SLC25A14: variants seen among roughly 807,000 people sequenced by gnomAD.
SLC25A14 encodes solute carrier family 25 member 14.
In SLC25A14, 8 loss-of-function variants were observed where a neutral mutation model predicts 28.1. That is an observed-to-expected ratio of 0.28 (90% CI 0.17 to 0.51). The LOEUF is 0.51. SLC25A14 is among the 20% of genes least tolerant of loss of function. The pLI, the probability that SLC25A14 is intolerant of heterozygous loss-of-function variation, is 0.97. For missense variants in SLC25A14, 135 were observed against 263.8 expected (o/e 0.51, Z 3.38); for synonymous variants, 74 against 90.6 (o/e 0.82, Z 1.04).
chrX:130,341,201 A>G (rs1603254143), intron 2 of SLC25A14, among the ~76,000 whole-genome samples: 1 of 112,054 alleles, frequency 8.9e-6, no homozygotes, highest in South Asian at 3.7e-4. Flanking sequence ...AGTCTTTTCT[A>G]TGCTCCTCTT....
rs2033870953 is a variant in SLC25A14 at position 130,358,772 on chromosome X, AGTTCCT to A, written c.594+38_594+43del. 19 of 950,298 alleles carry A rather than the reference AGTTCCT, an allele frequency of 2.0e-5. 1 individual carries two copies. The highest frequency in any genetic ancestry group is 1.8e-4 in the African/African-American group (9 of 51,378). The allele number at this position is 950,298 out of a possible 1,213,427, so 78.3% of individuals were successfully genotyped here. Reference sequence around the variant, plus strand: ...TTTCCTGCTATTATCCTACACTCTCAGTTCCTACAATTTGCAGAGAATTTTTTTTTA... The same window carrying A: ...TTTCCTGCTATTATCCTACACTCTCAACAATTTGCAGAGAATTTTTTTTTA... On this transcript the variant is annotated intron_variant, in intron 7 of 10. Transcript: ENST00000545805.
At chrX:130,364,909 A>G in intron 8 of SLC25A14, 157 bp downstream of exon 8, 2 of 1,027,083 alleles carry the variant, frequency 1.9e-6, no homozygotes, top group Non-Finnish European at 1.3e-6. Flanking sequence ...TGAACACTTT[A>G]TACTTCACAG....
At chrX:130,346,942 G>A (rs2033459818) in intron 4 of SLC25A14, among the ~76,000 whole-genome samples, 2 of 111,439 alleles carry the variant, frequency 1.8e-5, no homozygotes, top group East Asian at 2.8e-4. Flanking sequence ...TGGATTTCCC[G>A]AGAGTCACTA....
chrX:130,372,088 C>G (rs1239209372), intron 10 of SLC25A14, among the ~76,000 whole-genome samples: 1 of 112,148 alleles, frequency 8.9e-6, no homozygotes, highest in East Asian at 2.8e-4. Context: ...TCTGTCTCCT[C>G]CAGTTGTGTT....
chrX:130,372,949 A>G lies in SLC25A14; in HGVS notation c.977A>G (p.Ter326=). 8.5e-7 allele frequency: 1 copy of G among 1,178,807 alleles called. No homozygotes were observed. The highest frequency in any genetic ancestry group is 1.8e-5 in the African/African-American group (1 of 57,048). Reference sequence around the variant, plus strand: ...GAGCAGCTAAAGAGGCTTCAAATCTAAGAACTGAATTATATGTGAGCCCAG... The same window carrying G: ...GAGCAGCTAAAGAGGCTTCAAATCTGAGAACTGAATTATATGTGAGCCCAG... ...TYEQLKRLQI[*] is the part of the protein sequence containing the mutation. The change falls in exon 11 of 11, where the codon TAA becomes TGA. Residue 326 remains the stop codon, a stop_retained_variant. Transcript: ENST00000545805.
chrX:130,349,401 CT>C, intron 5 of SLC25A14, 56 bp downstream of exon 5: 1 of 773,750 alleles, frequency 1.3e-6, no homozygotes, highest in African/African-American at 2.1e-5. Context: ...TGAAATCATG[CT>C]TAGTGAGAAA....
intron 2 of SLC25A14, among the ~76,000 whole-genome samples, chrX:130,340,732 C>T (rs1466728015): frequency 1.8e-5 from 2 of 110,984 alleles, no homozygotes; most frequent in Non-Finnish European, 3.8e-5. Context: ...TACTTTGCAC[C>T]ATCCTAAGCT....
chrX:130,345,729 G>C (rs2033414769), intron 3 of SLC25A14, among the ~76,000 whole-genome samples: 1 of 111,576 alleles, frequency 9.0e-6, no homozygotes, highest in African/African-American at 3.2e-5. Context: ...AATATTTTTA[G>C]ATTGTCGTTT....
At chrX:130,367,950 T>G (rs1313985331) in intron 9 of SLC25A14, among the ~76,000 whole-genome samples, 1 of 112,470 alleles carries the variant, frequency 8.9e-6, no homozygotes, top group African/African-American at 3.2e-5. Flanking sequence ...GCCTGGCTTA[T>G]TTTTGTTTTT....
Position 130,372,900 on chromosome X carries a change from A to G in SLC25A14, c.937-9A>G. 1 of 1,165,256 alleles carries G rather than the reference A, an allele frequency of 8.6e-7. No individual in the cohort carries two copies. Among genetic ancestry groups the G allele is most frequent in the African/African-American group, 1.8e-5 (1 of 56,403 alleles). On this transcript the variant is annotated splice_polypyrimidine_tract_variant and intron_variant, in intron 10 of 10. Transcript: ENST00000545805. ...TCAACCTGGTGATCTTCCTTGACTTACTCCTCAGTTTTTTATTACATACGA... is the reference window on the plus strand; with the variant it reads ...TCAACCTGGTGATCTTCCTTGACTTGCTCCTCAGTTTTTTATTACATACGA...
intron 2 of SLC25A14, among the ~76,000 whole-genome samples, chrX:130,344,974 G>A (rs2033382966): frequency 9.0e-6 from 1 of 111,399 alleles, no homozygotes; most frequent in Admixed American, 9.5e-5. Flanking sequence ...TGAATCACAC[G>A]CCTACCCCTA....
chrX:130,346,005 C>A (rs887866324), intron 3 of SLC25A14, among the ~76,000 whole-genome samples: 3 of 111,516 alleles, frequency 2.7e-5, no homozygotes, highest in African/African-American at 6.5e-5. Flanking sequence ...ATGAGTAGAA[C>A]CAAATAAGAC....
intron 7 of SLC25A14, among the ~76,000 whole-genome samples, chrX:130,359,661 T>C (rs1322580173): frequency 9.0e-6 from 1 of 110,891 alleles, no homozygotes; most frequent in Non-Finnish European, 1.9e-5. Flanking sequence ...AATCTATTAA[T>C]AGACTTTTAA....
intron 3 of SLC25A14, among the ~76,000 whole-genome samples, chrX:130,346,031 CATA>C (rs748938259): frequency 1.2e-4 from 13 of 111,309 alleles, no homozygotes; most frequent in Non-Finnish European, 2.3e-4. Flanking sequence ...CATTATCTTT[CATA>C]ATATTAGGGG....
chrX:130,354,193 A>G (rs1367934283), intron 6 of SLC25A14, among the ~76,000 whole-genome samples: 5 of 108,053 alleles, frequency 4.6e-5, no homozygotes, highest in Admixed American at 2.0e-4. Context: ...GGCTCACTGC[A>G]AGCTCCGCCT....
At chrX:130,372,475 T>A (rs1480800340) in intron 10 of SLC25A14, among the ~76,000 whole-genome samples, 11 of 107,650 alleles carry the variant, frequency 1.0e-4, no homozygotes, top group East Asian at 5.7e-4. Context: ...TTTTATTTTT[T>A]TTTTTGAGAT....
intron 7 of SLC25A14, among the ~76,000 whole-genome samples, chrX:130,361,941 C>T (rs1479957796): frequency 9.0e-6 from 1 of 110,825 alleles, no homozygotes; most frequent in Non-Finnish European, 1.9e-5. Context: ...GGCCTGTGGG[C>T]TCCAGTTTGG....
intron 9 of SLC25A14, among the ~76,000 whole-genome samples, chrX:130,366,049 A>T (rs759587829): frequency 8.9e-6 from 1 of 112,534 alleles, no homozygotes; most frequent in South Asian, 3.7e-4. Flanking sequence ...GTTCACGGTT[A>T]TGCTGTTGTT....
At chrX:130,359,904 T>C (rs764728221) in intron 7 of SLC25A14, among the ~76,000 whole-genome samples, 1 of 111,198 alleles carries the variant, frequency 9.0e-6, no homozygotes, top group African/African-American at 3.3e-5. Flanking sequence ...AATTAAATTC[T>C]TCATTGTGCA....
Sources: allele counts gnomAD v4.1 joint callset (sites outside exome capture counted in the v4.1 genomes callset), GRCh38; gene constraint gnomAD v4.1.1; transcripts MANE v1.5; gene names NCBI Gene and HGNC (gene_info 2026-07-23, HGNC 2026-07-21).